EBF3: variants seen among roughly 807,000 people sequenced by gnomAD.
The protein encoded by EBF3 is transcription factor COE3.
In EBF3, 18 loss-of-function variants were observed where a neutral mutation model predicts 77.1. The observed-to-expected ratio is 0.23, with a 90% CI of 0.16 to 0.35. EBF3 has a LOEUF of 0.35. EBF3 is among the 10% of genes least tolerant of loss of function. The pLI, the probability that EBF3 is intolerant of heterozygous loss-of-function variation, is 1.00. For missense variants in EBF3, 558 were observed against 860.0 expected, an observed-to-expected ratio of 0.65 and a Z score of 4.39; for synonymous variants, 350 against 343.5, an observed-to-expected ratio of 1.02 and a Z score of -0.21.
In EBF3 at chr10:129,842,809, T is replaced by G. The variant is rs1051764815; in HGVS notation, c.1194+328A>C. Among the ~76,000 whole-genome samples the G allele has an allele frequency of 6.0e-5, 9 of 148,972 alleles. No homozygotes were observed. Among genetic ancestry groups the G allele is most frequent in the Non-Finnish European group, 1.5e-5 (1 of 67,572 alleles). On this transcript the variant is annotated intron_variant, in intron 12 of 16. Transcript: ENST00000440978. The surrounding 1 kb of genome is among the most constrained non-coding windows in gnomAD (Gnocchi z 4.4). ...GAGCAACATTTGCTGTGTTCTGTCC[T>G]GCATGCTGTGGGGCGCCCATCCAGC...
At chr10:129,843,923 C>T (rs1850271834) in intron 11 of EBF3, among the ~76,000 whole-genome samples, 1 of 152,214 alleles carries the variant, frequency 6.6e-6, no homozygotes, top group Non-Finnish European at 1.5e-5. Flanking sequence ...TGCACGCCTA[C>T]CTCCAGTTTA....
chr10:129,922,574 A>C (rs1471154199), intron 6 of EBF3, among the ~76,000 whole-genome samples: 4 of 152,246 alleles, frequency 2.6e-5, no homozygotes, highest in Admixed American at 6.5e-5. Context: ...TCATGGGGAC[A>C]GAAAGGCGTG....
At chr10:129,901,074 A>G (rs897319550) in intron 6 of EBF3, among the ~76,000 whole-genome samples, 2 of 152,224 alleles carry the variant, frequency 1.3e-5, no homozygotes, top group African/African-American at 2.4e-5. Flanking sequence ...GATAAGAACC[A>G]TTCTCAACTG....
In EBF3 at chr10:129,840,480, G is replaced by A. The variant is rs1259845395; in HGVS notation, c.1562-38C>T. On this transcript the variant is annotated intron_variant, in intron 14 of 16. Transcript: ENST00000440978. ...AAACACGGTCAGCACGCGCGGCCGC[G>A]GCACAGCGCCACGGCGAGAGGGCAC... 13 of 1,538,246 alleles carry A rather than the reference G, an allele frequency of 8.5e-6. No homozygotes were observed. The East Asian group carries it at 1.2e-4, about 15-fold the overall frequency.
chr10:129,884,014 C>T (rs1168891853), intron 6 of EBF3, among the ~76,000 whole-genome samples: 2 of 152,222 alleles, frequency 1.3e-5, no homozygotes, highest in Non-Finnish European at 2.9e-5. Flanking sequence ...CCGGTGGCTG[C>T]AGCCTTTACT....
chr10:129,956,291 A>AC lies in EBF3; in HGVS notation c.554+966dup, dbSNP rs113766515. Among the ~76,000 whole-genome samples the AC allele has an allele frequency of 8.3e-3, 1,259 of 152,190 alleles. 19 individuals are homozygous for AC. The highest frequency in any genetic ancestry group is 0.029 in the African/African-American group (1,189 of 41,518). On this transcript the variant is annotated intron_variant, in intron 6 of 16. Coordinates refer to ENST00000440978, the MANE Select transcript of EBF3 (RefSeq NM_001375380.1). ...TTGTAATGAAAGCTGCGGAAATTCA[A>AC]CCCCTCTTCAAAACCGTCTAAACCT... is the stretch of plus-strand genomic sequence containing the variant.
chr10:129,888,313 G>A (rs1478498667), intron 6 of EBF3, among the ~76,000 whole-genome samples: 6 of 152,212 alleles, frequency 3.9e-5, no homozygotes, highest in Admixed American at 2.0e-4. Context: ...AAACTGGCGC[G>A]TCGAAGTTGC....
At chr10:129,893,986 CA>C (rs1854197250) in intron 6 of EBF3, among the ~76,000 whole-genome samples, 1 of 152,202 alleles carries the variant, frequency 6.6e-6, no homozygotes, top group African/African-American at 2.4e-5. Flanking sequence ...ACCCAAGCCC[CA>C]CTCCCCAACT....
chr10:129,867,877 C>A lies in EBF3; in HGVS notation c.817G>T (p.Gly273Cys). The A allele has an allele frequency of 6.2e-7, 1 of 1,614,234 alleles. No homozygotes were observed. The highest frequency in any genetic ancestry group is 8.5e-7 in the Non-Finnish European group (1 of 1,180,046). ...ACGGTGGCACCCCCCGTGGTCCAGC[C>A]TTCACTGGGACTGATGGCCTTGATG... ...PCIKAISPSE[G>C]WTTGGATVII... Residue 273 changes from glycine to cysteine, a missense_variant, in exon 9 of 17, where the codon GGC becomes TGC. Physicochemically the swap from Gly to Cys is radical, Grantham distance 159. Around this residue, in one of 5 missense-constraint regions of EBF3, gnomAD observed 112 missense variants for 207.7 expected, o/e 0.54. Coordinates refer to ENST00000440978, the MANE Select transcript of EBF3 (RefSeq NM_001375380.1).
intron 11 of EBF3, among the ~76,000 whole-genome samples, chr10:129,844,897 C>T (rs981857890): frequency 6.6e-6 from 1 of 152,202 alleles, no homozygotes; most frequent in Admixed American, 6.5e-5. Context: ...AATAATTACT[C>T]ATAATCTCTC....
rs1272984037 is a variant in EBF3 at position 129,837,371 on chromosome 10, CCCTCCCTG to C, written c.*564_*571del. On this transcript the variant is annotated 3_prime_UTR_variant, in exon 17 of 17. Coordinates refer to ENST00000440978, the MANE Select transcript of EBF3 (RefSeq NM_001375380.1). ...AGTTAAGCAGTGATAAACCCTCCCT[CCCTCCCTG>C]CCACCCCAGTTTCTCCTCATCATAT... 2.6e-5 allele frequency: 4 copies of C among 152,002 alleles called. No homozygotes were observed. Among genetic ancestry groups the C allele is most frequent in the African/African-American group, 7.3e-5 (3 of 41,302 alleles). 9.4% of individuals were successfully genotyped at this position (152,002 alleles called of 1,614,324 possible).
At chr10:129,949,018 C>T (rs1858457033) in intron 6 of EBF3, among the ~76,000 whole-genome samples, 1 of 152,198 alleles carries the variant, frequency 6.6e-6, no homozygotes, top group African/African-American at 2.4e-5. Flanking sequence ...ACTTAAGAGG[C>T]ACTCGTGCAG....
chr10:129,877,900 C>T, intron 6 of EBF3, 51 bp from the exon 7 acceptor site: 2 of 1,478,668 alleles, frequency 1.4e-6, no homozygotes, highest in Admixed American at 1.8e-5. Context: ...AGACAAAAGA[C>T]TCAAACTTTT....
chr10:129,900,088 G>T (rs1200669249), intron 6 of EBF3, among the ~76,000 whole-genome samples: 1 of 152,168 alleles, frequency 6.6e-6, no homozygotes, highest in African/African-American at 2.4e-5. Context: ...AATACTCTTT[G>T]CTGACTCCGG....
chr10:129,932,278 C>T (rs933592931), intron 6 of EBF3, among the ~76,000 whole-genome samples: 1 of 152,240 alleles, frequency 6.6e-6, no homozygotes, highest in East Asian at 1.9e-4. Flanking sequence ...CCACTTCTCA[C>T]ATTGGGGCAT....
intron 6 of EBF3, among the ~76,000 whole-genome samples, chr10:129,940,947 G>A (rs988550873): frequency 5.3e-5 from 8 of 152,128 alleles, no homozygotes; most frequent in Non-Finnish European, 7.3e-5. Flanking sequence ...CCCCAGCCTC[G>A]GACTGCCTGG....
At chr10:129,945,156 G>C (rs1858102143) in intron 6 of EBF3, among the ~76,000 whole-genome samples, 2 of 83,934 alleles carry the variant, frequency 2.4e-5, no homozygotes, top group South Asian at 1.5e-3. Context: ...GAGGGGAGAA[G>C]AGGGGAGGGG....
intron 6 of EBF3, among the ~76,000 whole-genome samples, chr10:129,900,842 G>C (rs1423752775): frequency 6.6e-6 from 1 of 152,214 alleles, no homozygotes; most frequent in African/African-American, 2.4e-5. Flanking sequence ...CCATGGGAGG[G>C]CACCTCAGAG....
intron 11 of EBF3, among the ~76,000 whole-genome samples, chr10:129,847,460 A>G (rs1176351125): frequency 6.6e-6 from 1 of 152,326 alleles, no homozygotes; most frequent in Middle Eastern, 3.4e-3. Flanking sequence ...TGATCCTAAC[A>G]GTGAATATCT....
Sources: allele counts gnomAD v4.1 joint callset (sites outside exome capture counted in the v4.1 genomes callset), GRCh38; gene constraint gnomAD v4.1.1; regional missense constraint gnomAD v4.1.1; non-coding constraint Gnocchi (gnomAD v3.1); transcripts MANE v1.5; gene names NCBI Gene and HGNC (gene_info 2026-07-23, HGNC 2026-07-21).